The following GALC variants were observed in gnomAD, a reference collection of about 807,000 sequenced individuals.
The protein encoded by GALC is galactocerebrosidase.
In GALC, 77 loss-of-function variants were observed where a neutral mutation model predicts 91.8. The ratio of observed to expected loss-of-function variants is 0.84; its 90% CI spans 0.70 to 1.01. The LOEUF is 1.01. Ranked by LOEUF, GALC falls within the 50% of genes least tolerant of loss-of-function variation. GALC has a pLI of 0.00. For synonymous variants in GALC, 357 were observed against 306.7 expected (o/e 1.16, Z -1.71); for missense variants, 882 against 855.9 (o/e 1.03, Z -0.38).
At chr14:87,978,515 C>T (rs893857735) in intron 6 of GALC, among the ~76,000 whole-genome samples, 1 of 152,170 alleles carries the variant, frequency 6.6e-6, no homozygotes, top group African/African-American at 2.4e-5. Context: ...AGTCTACATG[C>T]TATGATTTCT....
At chr14:87,985,633 T>G (rs375073768) in intron 4 of GALC, among the ~76,000 whole-genome samples, 1 of 152,374 alleles carries the variant, frequency 6.6e-6, no homozygotes, top group East Asian at 1.9e-4. Flanking sequence ...TACTTTTCAT[T>G]AACCTGATTG....
intron 14 of GALC, among the ~76,000 whole-genome samples, chr14:87,944,217 T>C (rs1884974343): frequency 6.6e-6 from 1 of 151,994 alleles, no homozygotes; most frequent in Non-Finnish European, 1.5e-5. Flanking sequence ...GATGGTGCTA[T>C]ATCTCACTTC....
rs1188142089 is a variant in GALC at position 87,951,912 on chromosome 14, A to G, written c.1162-1164T>C. On this transcript the variant is annotated intron_variant, in intron 10 of 16. Coordinates refer to ENST00000261304, the MANE Select transcript of GALC (RefSeq NM_000153.4). Reference sequence around the variant, plus strand: ...ATTTGAGAGTTCAGCTTCTGTCTTGAGATACTAGAAAAATAGGAGCAAATT... The same window carrying G: ...ATTTGAGAGTTCAGCTTCTGTCTTGGGATACTAGAAAAATAGGAGCAAATT... Among the ~76,000 whole-genome samples, 3 of 151,944 alleles carry G rather than the reference A, an allele frequency of 2.0e-5. No individual in the cohort carries two copies. In the East Asian group the frequency reaches 5.8e-4, roughly 29 times the overall value.
Position 87,982,198 on chromosome 14 carries a change from T to C in GALC, c.621+7A>G, listed in dbSNP as rs753806552. On this transcript the variant is annotated splice_region_variant and intron_variant, in intron 6 of 16. Coordinates refer to ENST00000261304, the MANE Select transcript of GALC (RefSeq NM_000153.4). ...TAAAAACAAAAAGATACTAAAGTTGTACACACCTTAATATAATTGGCATTA... is the reference window on the plus strand; with the variant it reads ...TAAAAACAAAAAGATACTAAAGTTGCACACACCTTAATATAATTGGCATTA... 6.6e-7 allele frequency: 1 copy of C among 1,504,204 alleles called. No individual in the cohort carries two copies. 93.2% of individuals were successfully genotyped at this position (1,504,204 alleles called of 1,614,324 possible).
chr14:87,949,165 G>A (rs1160397993), intron 12 of GALC, among the ~76,000 whole-genome samples: 1 of 149,200 alleles, frequency 6.7e-6, no homozygotes, highest in Admixed American at 6.6e-5. Flanking sequence ...GTTGAGGAGA[G>A]GCCATTCTAG....
chr14:87,946,329 T>C (rs1885070281), intron 13 of GALC, among the ~76,000 whole-genome samples: 1 of 152,072 alleles, frequency 6.6e-6, no homozygotes, highest in African/African-American at 2.4e-5. Context: ...AAGTTATCAA[T>C]CCCTTTTTAG....
Position 87,934,701 on chromosome 14 carries a change from T to A in GALC, c.*31A>T. 6.2e-7 allele frequency: 1 copy of A among 1,612,426 alleles called. No individual in the cohort carries two copies. ...CAAAACCAAAAAGAAGGGAAGAAAA[T>A]CCAGAGTATTCTATGATGCCCTGTT... On this transcript the variant is annotated 3_prime_UTR_variant, in exon 17 of 17. Transcript: ENST00000261304.
rs190926611 is a variant in GALC at position 87,984,722 on chromosome 14, C to T, written c.443-189G>A. Among the ~76,000 whole-genome samples, 421 of 152,172 alleles carry T rather than the reference C, an allele frequency of 2.8e-3. 3 individuals carry two copies. Among genetic ancestry groups the T allele is most frequent in the African/African-American group, 9.8e-3 (406 of 41,522 alleles). ...TTCCAATCTATAGACACTATAATTC[C>T]TTATTGATCCCTAGAGTCAGGTCCC... On this transcript the variant is annotated intron_variant, in intron 4 of 16. Transcript: ENST00000261304.
chr14:87,988,296 G>A (rs781188918), intron 2 of GALC, 89 bp from the exon 3 acceptor site: 37 of 1,364,994 alleles, frequency 2.7e-5, no homozygotes, highest in Admixed American at 5.1e-5. Context: ...TTTTACAGAC[G>A]CAAAAACAAA....
intron 10 of GALC, chr14:87,954,539 G>C: frequency 1.3e-6 from 2 of 1,559,138 alleles, no homozygotes; most frequent in South Asian, 2.3e-5. Context: ...GTCATCCTGT[G>C]AGTGCTTGTT....
rs755870379 is a variant in GALC at position 87,950,654 on chromosome 14, C to G, written c.1251+5G>C. ...ACTAAAATAAAGTTAAACATATTTA[C>G]TTACAAAAGATCCCTTAAGAACAAA... is the stretch of plus-strand genomic sequence containing the variant. On this transcript the variant is annotated splice_donor_5th_base_variant and intron_variant, in intron 11 of 16. Transcript: ENST00000261304. The G allele has an allele frequency of 2.6e-6, 4 of 1,541,728 alleles. No individual in the cohort carries two copies. The Admixed American group carries it at 6.7e-5, about 26-fold the overall frequency.
intron 5 of GALC, among the ~76,000 whole-genome samples, chr14:87,983,186 A>T (rs1191773229): frequency 6.6e-6 from 1 of 152,110 alleles, no homozygotes; most frequent in East Asian, 1.9e-4. Context: ...AAAAAGAAAA[A>T]AAAACTAGCT....
chr14:87,982,158 T>C, intron 6 of GALC, 47 bp downstream of exon 6: 1 of 1,024,418 alleles, frequency 9.8e-7, no homozygotes, highest in Non-Finnish European at 1.5e-6. Flanking sequence ...CATAAGGAAT[T>C]ATTCACTAAA....
rs36205603 is a variant in GALC at position 87,962,578 on chromosome 14, TACACACACACACACACACACAC to T, written c.1161+784_1161+805del. Reference sequence around the variant, plus strand: ...GGCTGACATTCAGAACCTGATATGATACACACACACACACACACACACACACACACACACACACACACACACC... The same window carrying T: ...GGCTGACATTCAGAACCTGATATGATACACACACACACACACACACACACC... On this transcript the variant is annotated intron_variant, in intron 10 of 16. Transcript: ENST00000261304. Among the ~76,000 whole-genome samples the T allele has an allele frequency of 2.3e-3, 340 of 146,544 alleles. 15 individuals are homozygous for T. In the East Asian group the frequency reaches 0.064, roughly 27 times the overall value.
intron 1 of GALC, among the ~76,000 whole-genome samples, chr14:87,991,264 G>C (rs934186915): frequency 6.6e-6 from 1 of 152,170 alleles, no homozygotes; most frequent in African/African-American, 2.4e-5. Flanking sequence ...GTGCAGTGGT[G>C]TGATCCCGGC....
intron 7 of GALC, among the ~76,000 whole-genome samples, chr14:87,970,661 C>T (rs911447364): frequency 2.9e-4 from 43 of 150,824 alleles, no homozygotes; most frequent in Non-Finnish European, 4.7e-4. Context: ...GAGATTGAGA[C>T]CATCCTGGCT....
chr14:87,980,483 T>G (rs1886693589), intron 6 of GALC: 1 of 981,742 alleles, frequency 1.0e-6, no homozygotes, highest in East Asian at 1.1e-4. Flanking sequence ...TCATGACTTG[T>G]TTTTCCCCCA....
rs17123945 is a variant in GALC, at chr14:87,954,444, A to G, written c.1162-3696T>C. 5.5e-4 allele frequency: 876 copies of G among 1,591,168 alleles called. 1 individual carries two copies. In the African/African-American group the frequency reaches 0.011, roughly 19 times the overall value. On this transcript the variant is annotated intron_variant, in intron 10 of 16. Coordinates refer to ENST00000261304, the MANE Select transcript of GALC (RefSeq NM_000153.4). ...GCCTGGTACCCTCAACTGCAAAGGA[A>G]AAAAGGTTATATTTGGGAATTTAAA...
At chr14:87,938,517 A>T (rs1472847051) in intron 16 of GALC, among the ~76,000 whole-genome samples, 1 of 152,046 alleles carries the variant, frequency 6.6e-6, no homozygotes, top group Non-Finnish European at 1.5e-5. Flanking sequence ...GCATGTGCAC[A>T]TGTGCTGATT....
Sources: allele counts gnomAD v4.1 joint callset (sites outside exome capture counted in the v4.1 genomes callset), GRCh38; gene constraint gnomAD v4.1.1; transcripts MANE v1.5; gene names NCBI Gene and HGNC (gene_info 2026-07-23, HGNC 2026-07-21).